The following RALGPS2 variants were observed in gnomAD, a reference collection of about 807,000 sequenced individuals.
RALGPS2 encodes the protein Ral GEF with PH domain and SH3 binding motif 2, also known as ras-specific guanine nucleotide-releasing factor RalGPS2.
RALGPS2 carries 43 observed loss-of-function variants against 86.8 expected under a neutral mutation model. The ratio of observed to expected loss-of-function variants is 0.50; its 90% CI spans 0.39 to 0.64. The LOEUF (loss-of-function observed/expected upper bound fraction) is 0.64. Among genes scored for constraint, RALGPS2 ranks in the 30% least tolerant of loss-of-function variants. The pLI, the probability that RALGPS2 is intolerant of heterozygous loss-of-function variation, is 0.00. For missense variants in RALGPS2, 536 were observed against 694.6 expected, an observed-to-expected ratio of 0.77 and a Z score of 2.57; for synonymous variants, 243 against 231.3, an observed-to-expected ratio of 1.05 and a Z score of -0.46.
chr1:178,850,588 A>T (rs1353491398), intron 8 of RALGPS2: 1 of 152,198 alleles, frequency 6.6e-6, no homozygotes, highest in Non-Finnish European at 1.5e-5. Context: ...TATTATTAAG[A>T]ATTCAGATTT....
intron 4 of RALGPS2, among the ~76,000 whole-genome samples, chr1:178,789,186 C>T (rs1259741811): frequency 3.3e-5 from 5 of 152,158 alleles, no homozygotes; most frequent in South Asian, 2.1e-4. Context: ...GGTTTACAGG[C>T]GTGAGCCACT....
rs377169706 is a variant in RALGPS2 at position 178,916,330 on chromosome 1, G to A, written c.1723G>A (p.Val575Ile). The change falls in exon 20 of 20, where the codon GTT becomes ATT. Residue 575 changes from valine to isoleucine, a missense_variant and splice_region_variant. Physicochemically the swap from Val to Ile is conservative, Grantham distance 29. Around this residue, in one of 3 missense-constraint regions of RALGPS2, gnomAD observed 309 missense variants for 363.0 expected, o/e 0.85. Coordinates refer to ENST00000367635, the MANE Select transcript of RALGPS2 (RefSeq NM_152663.5). ...SAACQSNKQQ[V>I]PTNLMTFE is the part of the protein sequence containing the mutation. ...AGTTTTTAATGCTTATATTTTTTAG[G>A]TTCCTACAAACTTGATGACTTTTGA... is the stretch of plus-strand genomic sequence containing the variant. 1.9e-6 allele frequency: 3 copies of A among 1,595,080 alleles called. No homozygotes were observed. The African/African-American group carries it at 4.0e-5, about 21-fold the overall frequency.
chr1:178,892,674 A>G (rs1302863841), intron 15 of RALGPS2, among the ~76,000 whole-genome samples: 4 of 152,122 alleles, frequency 2.6e-5, no homozygotes, highest in Non-Finnish European at 5.9e-5. Context: ...TAATAAATTT[A>G]TATTTGATTT....
intron 4 of RALGPS2, among the ~76,000 whole-genome samples, chr1:178,804,133 T>C (rs1180666283): frequency 6.6e-6 from 1 of 151,898 alleles, no homozygotes; most frequent in Non-Finnish European, 1.5e-5. Flanking sequence ...GTATCATGTT[T>C]AAGAAGTCAA....
chr1:178,902,549 C>G (rs1361481312), intron 18 of RALGPS2, among the ~76,000 whole-genome samples: 3 of 152,032 alleles, frequency 2.0e-5, no homozygotes, highest in Non-Finnish European at 1.5e-5. Flanking sequence ...AATATATACC[C>G]CATTGTTACT....
intron 1 of RALGPS2, among the ~76,000 whole-genome samples, chr1:178,738,223 T>C (rs902821584): frequency 8.0e-5 from 12 of 149,216 alleles, no homozygotes; most frequent in Non-Finnish European, 1.2e-4. Flanking sequence ...TTTTTTTTTT[T>C]TTTGAGTTAG....
intron 1 of RALGPS2, among the ~76,000 whole-genome samples, chr1:178,750,922 A>G (rs1310196589): frequency 6.6e-6 from 1 of 152,176 alleles, no homozygotes; most frequent in Admixed American, 6.5e-5. Flanking sequence ...ATCCAGGAAA[A>G]TGAGTTTATT....
intron 1 of RALGPS2, among the ~76,000 whole-genome samples, chr1:178,731,271 G>GTTTT (rs1491268143): frequency 4.3e-5 from 3 of 69,378 alleles, no homozygotes; most frequent in Admixed American, 1.7e-4. Flanking sequence ...TAGTTGTTTT[G>GTTTT]GTTTTTTTTT....
chr1:178,785,495 AG>A, intron 3 of RALGPS2, 61 bp from the exon 4 acceptor site: 3 of 1,478,704 alleles, frequency 2.0e-6, no homozygotes, highest in Non-Finnish European at 2.7e-6. Context: ...ATTTTAATTT[AG>A]GTTACATGTT....
At chr1:178,791,550 C>A (rs1270276422) in intron 4 of RALGPS2, among the ~76,000 whole-genome samples, 1 of 152,120 alleles carries the variant, frequency 6.6e-6, no homozygotes, top group African/African-American at 2.4e-5. Flanking sequence ...CTGAATCCAA[C>A]TGTGTGGTAT....
At chr1:178,797,992 A>AAG (rs1654282106) in intron 4 of RALGPS2, among the ~76,000 whole-genome samples, 1 of 151,368 alleles carries the variant, frequency 6.6e-6, no homozygotes, top group Admixed American at 6.6e-5. Flanking sequence ...TTGTAAAAAA[A>AAG]AAAAAAAAAA....
chr1:178,782,766 G>GGA (rs1653456474), intron 2 of RALGPS2, among the ~76,000 whole-genome samples: 1 of 151,940 alleles, frequency 6.6e-6, no homozygotes, highest in Admixed American at 6.6e-5. Flanking sequence ...AGATTTCTAG[G>GGA]GAAAACCAAA....
intron 4 of RALGPS2, among the ~76,000 whole-genome samples, chr1:178,791,921 A>G (rs923311467): frequency 6.6e-6 from 1 of 152,210 alleles, no homozygotes; most frequent in African/African-American, 2.4e-5. Flanking sequence ...CTTTTATTTC[A>G]CTGTAGAAAC....
At chr1:178,861,811 G>A (rs1323663250) in intron 8 of RALGPS2, among the ~76,000 whole-genome samples, 2 of 152,062 alleles carry the variant, frequency 1.3e-5, no homozygotes, top group East Asian at 3.9e-4. Flanking sequence ...TCTATACCCA[G>A]TGGGTCACTT....
At chr1:178,813,454 T>C (rs138775838) in intron 6 of RALGPS2, among the ~76,000 whole-genome samples, 1 of 152,296 alleles carries the variant, frequency 6.6e-6, no homozygotes, top group African/African-American at 2.4e-5. Flanking sequence ...TCTAAACTCA[T>C]AATTGTTTTT....
rs367781298 is a variant in RALGPS2 at position 178,787,708 on chromosome 1, A to T, written c.213+2101A>T. ...AAACCTTAAAATTCCCTTGACCTTT[A>T]CTCCATTTATCTAATCCCTTTGATT... is the stretch of plus-strand genomic sequence containing the variant. On this transcript the variant is annotated intron_variant, in intron 4 of 19. Coordinates refer to ENST00000367635, the MANE Select transcript of RALGPS2 (RefSeq NM_152663.5). Among the ~76,000 whole-genome samples, 10 of 151,832 alleles carry T rather than the reference A, an allele frequency of 6.6e-5. No homozygotes were observed. The East Asian group carries it at 1.9e-3, about 29-fold the overall frequency.
intron 8 of RALGPS2, chr1:178,865,224 G>A: frequency 6.2e-7 from 1 of 1,614,118 alleles, no homozygotes; most frequent in East Asian, 2.2e-5. Flanking sequence ...TTATTGACAA[G>A]ATCAGTCAAG....
chr1:178,800,957 C>T (rs532483748), intron 4 of RALGPS2, among the ~76,000 whole-genome samples: 4 of 150,672 alleles, frequency 2.7e-5, no homozygotes, highest in East Asian at 3.9e-4. Context: ...ACAGAAGTCT[C>T]GCTCTGTTGC....
chr1:178,823,720 A>G (rs1655617118), intron 7 of RALGPS2, among the ~76,000 whole-genome samples: 1 of 152,214 alleles, frequency 6.6e-6, no homozygotes, highest in Non-Finnish European at 1.5e-5. Context: ...GAATCAGATA[A>G]TGGAGGTGCT....
Sources: gnomAD v4.1 joint callset for allele counts (sites outside exome capture counted in the v4.1 genomes callset) on GRCh38, gnomAD v4.1.1 for gene constraint, gnomAD v4.1.1 regional missense constraint, MANE v1.5 for transcripts, NCBI Gene and HGNC (gene_info 2026-07-23, HGNC 2026-07-21) for gene names.